The following EXOC4 variants were observed in gnomAD, a reference collection of about 807,000 sequenced individuals.
The protein encoded by EXOC4 is exocyst complex component 4, also known as SEC8-like 1.
A neutral mutation model predicts 107.2 loss-of-function variants in EXOC4; 71 were observed. That is an observed-to-expected ratio of 0.66 (90% CI 0.55 to 0.81). EXOC4 has a LOEUF of 0.81. EXOC4 is among the 30% of genes least tolerant of loss of function. The pLI, the probability that EXOC4 is intolerant of heterozygous loss-of-function variation, is 0.00. For missense variants in EXOC4, 1,108 were observed against 1,189.6 expected, an observed-to-expected ratio of 0.93 and a Z score of 1.01; for synonymous variants, 456 against 441.2, an observed-to-expected ratio of 1.03 and a Z score of -0.42.
intron 5 of EXOC4, among the ~76,000 whole-genome samples, chr7:133,346,313 A>T (rs1402130448): frequency 6.6e-6 from 1 of 152,142 alleles, no homozygotes; most frequent in African/African-American, 2.4e-5. Context: ...CATGGGCCAA[A>T]TCCAGCCTGC....
intron 5 of EXOC4, among the ~76,000 whole-genome samples, chr7:133,331,641 A>G (rs950487082): frequency 6.6e-6 from 1 of 151,502 alleles, no homozygotes; most frequent in Non-Finnish European, 1.5e-5. Context: ...AATTTTTTGT[A>G]TTTTTAGTAG....
intron 16 of EXOC4, among the ~76,000 whole-genome samples, chr7:134,007,137 T>C (rs1794661013): frequency 6.6e-6 from 1 of 152,198 alleles, no homozygotes; most frequent in Non-Finnish European, 1.5e-5. Flanking sequence ...AATTTCTTAT[T>C]GATTTATTTT....
chr7:133,732,605 C>A (rs563547042), intron 10 of EXOC4: 98 of 153,752 alleles, frequency 6.4e-4, no homozygotes, highest in Non-Finnish European at 9.2e-4. Context: ...AAGCCCCATG[C>A]CCTTTCCCAA....
At chr7:133,507,153 CTG>C (rs1264610442) in intron 9 of EXOC4, among the ~76,000 whole-genome samples, 1 of 151,976 alleles carries the variant, frequency 6.6e-6, no homozygotes, top group Non-Finnish European at 1.5e-5. Flanking sequence ...CTTGGGTAAT[CTG>C]TTCTAGTGTC....
chr7:133,843,110 G>A (rs1469361921), intron 11 of EXOC4, among the ~76,000 whole-genome samples: 1 of 152,124 alleles, frequency 6.6e-6, no homozygotes, highest in Admixed American at 6.6e-5. Context: ...GATGCCTCCA[G>A]CTTCGTTCTT....
chr7:133,578,491 A>ATAT (rs1801181646), intron 9 of EXOC4, among the ~76,000 whole-genome samples: 1 of 152,198 alleles, frequency 6.6e-6, no homozygotes, highest in Admixed American at 6.5e-5. Flanking sequence ...GCTAGCTTGA[A>ATAT]TATAATAACA....
intron 10 of EXOC4, among the ~76,000 whole-genome samples, chr7:133,755,223 TATATATATATAATATATATA>T (rs1378514507): frequency 2.6e-5 from 3 of 114,946 alleles, no homozygotes; most frequent in African/African-American, 3.5e-5. Context: ...TGTGTGTGTG[TATATATATATAATATATATA>T]ATATATATAT....
At chr7:133,910,250 C>T (rs1233912376) in intron 12 of EXOC4, among the ~76,000 whole-genome samples, 1 of 152,152 alleles carries the variant, frequency 6.6e-6, no homozygotes, top group Non-Finnish European at 1.5e-5. Flanking sequence ...ATTCTTGGTC[C>T]ACTTCCTGTG....
intron 10 of EXOC4, among the ~76,000 whole-genome samples, chr7:133,749,966 T>G (rs1334369064): frequency 2.7e-5 from 4 of 145,492 alleles, no homozygotes; most frequent in African/African-American, 7.6e-5. Flanking sequence ...TTTTTTTTTT[T>G]TTTTTTTTTT....
intron 12 of EXOC4, among the ~76,000 whole-genome samples, chr7:133,911,973 A>G (rs571210473): frequency 3.9e-5 from 6 of 152,238 alleles, no homozygotes; most frequent in Admixed American, 3.3e-4. Flanking sequence ...CACAGCCAAG[A>G]TTCTTTCTAG....
At chr7:134,094,319 T>C in the EXOC4 span, among the ~76,000 whole-genome samples, 1 of 152,070 alleles carries the variant, frequency 6.6e-6, no homozygotes, top group Non-Finnish European at 1.5e-5. Flanking sequence ...CTGAAGGAAA[T>C]GCATAAATTC....
chr7:133,483,935 AAG>A, intron 9 of EXOC4: 1 of 1,175,982 alleles, frequency 8.5e-7, no homozygotes. Flanking sequence ...GTCAAACCGT[AAG>A]AGACTAAGGG....
chr7:133,375,598 T>C (rs751123544), intron 7 of EXOC4, among the ~76,000 whole-genome samples: 2 of 152,214 alleles, frequency 1.3e-5, no homozygotes, highest in Non-Finnish European at 2.9e-5. Context: ...GAATTAGTCA[T>C]ATATTAAGGT....
At chr7:133,945,502 C>T (rs1425842238) in intron 14 of EXOC4, among the ~76,000 whole-genome samples, 1 of 152,150 alleles carries the variant, frequency 6.6e-6, no homozygotes, top group Non-Finnish European at 1.5e-5. Context: ...CCTTGCTTAG[C>T]AGTTGTTAGC....
At chr7:133,814,517 A>T (rs1009682073) in intron 10 of EXOC4, among the ~76,000 whole-genome samples, 1 of 152,144 alleles carries the variant, frequency 6.6e-6, no homozygotes, top group South Asian at 2.1e-4. Context: ...CCATATTTAG[A>T]TATAGCTCTC....
At chr7:133,875,374 G>C (rs979304268) in intron 11 of EXOC4, among the ~76,000 whole-genome samples, 5 of 152,128 alleles carry the variant, frequency 3.3e-5, no homozygotes, top group Non-Finnish European at 7.4e-5. Context: ...AAGACAGGTT[G>C]GATTATTGGC....
rs1442145236 is a variant in EXOC4 at position 133,603,344 on chromosome 7, A to T, written c.1418-26701A>T. On this transcript the variant is annotated intron_variant, in intron 9 of 17. Coordinates refer to ENST00000253861, the MANE Select transcript of EXOC4 (RefSeq NM_021807.4). Reference sequence around the variant, plus strand: ...AAAAATAATTTTTAAACTCAAATGCATCTTCATGCAGATACCTAAATACAA... The same window carrying T: ...AAAAATAATTTTTAAACTCAAATGCTTCTTCATGCAGATACCTAAATACAA... 2.0e-5 allele frequency among the ~76,000 whole-genome samples: 3 copies of T among 152,368 alleles called. No homozygotes were observed. The East Asian group carries it at 5.8e-4, about 29-fold the overall frequency.
chr7:133,647,171 A>C (rs1421104688), intron 10 of EXOC4, among the ~76,000 whole-genome samples: 1 of 152,220 alleles, frequency 6.6e-6, no homozygotes, highest in Non-Finnish European at 1.5e-5. Context: ...AGTAATGAGC[A>C]TACATCTTGA....
intron 10 of EXOC4, among the ~76,000 whole-genome samples, chr7:133,748,649 G>A (rs9649046): frequency 0.36 from 55,236 of 152,052 alleles, 12,429 homozygotes; most frequent in East Asian, 0.54. Context: ...AGAAATCCAT[G>A]TACAGGCTTC....
Sources: gnomAD v4.1 joint callset for allele counts (sites outside exome capture counted in the v4.1 genomes callset) on GRCh38, gnomAD v4.1.1 for gene constraint, MANE v1.5 for transcripts, NCBI Gene and HGNC (gene_info 2026-07-23, HGNC 2026-07-21) for gene names.